The following PTPRN2 variants were observed in gnomAD, a reference collection of about 807,000 sequenced individuals.
The protein encoded by PTPRN2 is receptor-type tyrosine-protein phosphatase N2.
Under a neutral mutation model 118.8 loss-of-function variants are expected in PTPRN2, and 74 were observed. The ratio of observed to expected loss-of-function variants is 0.62; its 90% CI spans 0.52 to 0.76. PTPRN2 has a LOEUF of 0.76. Ranked by LOEUF, PTPRN2 falls within the 30% of genes least tolerant of loss-of-function variation. The pLI is 0.00. For missense variants in PTPRN2, 1,481 were observed against 1,394.4 expected (o/e 1.06, Z -0.99); for synonymous variants, 641 against 608.0 (o/e 1.05, Z -0.80).
At chr7:157,879,077 G>T (rs1483080913) in intron 12 of PTPRN2, among the ~76,000 whole-genome samples, 2 of 142,324 alleles carry the variant, frequency 1.4e-5, no homozygotes, top group African/African-American at 5.3e-5. Flanking sequence ...GATTCCATGG[G>T]GCTGGAAGGG....
chr7:157,774,775 T>C (rs1803092655), intron 12 of PTPRN2, among the ~76,000 whole-genome samples: 1 of 151,952 alleles, frequency 6.6e-6, no homozygotes, highest in Non-Finnish European at 1.5e-5. Flanking sequence ...GAAGTAGAAA[T>C]CTGCCCAAGA....
chr7:158,098,896 T>C lies in PTPRN2; in HGVS notation c.1643+11933A>G, dbSNP rs944846038. The stretch of plus-strand genomic sequence containing the variant: ...GATGGTAGAAGGTGACAGTGCGGGG[T>C]GCAGCGTTCCTGGGTCCTTGAGGGG... On this transcript the variant is annotated intron_variant, in intron 10 of 22. Transcript: ENST00000389418. Among the ~76,000 whole-genome samples the C allele has an allele frequency of 7.2e-5, 11 of 151,788 alleles. 1 individual carries two copies. The highest frequency in any genetic ancestry group is 2.7e-4 in the African/African-American group (11 of 41,330).
Position 157,566,587 on chromosome 7 carries a change from C to G in PTPRN2, c.2902+2315G>C, listed in dbSNP as rs998236893. Among the ~76,000 whole-genome samples the G allele has an allele frequency of 5.9e-5, 9 of 152,218 alleles. No individual in the cohort carries two copies. The South Asian group carries it at 1.9e-3, about 31-fold the overall frequency. On this transcript the variant is annotated intron_variant, in intron 21 of 22. Coordinates refer to ENST00000389418, the MANE Select transcript of PTPRN2 (RefSeq NM_002847.5). ...AGCAGGTCAAGAACAGGAGGAGGGT[C>G]ACCAATCTCAGAAAAGGCCCCAGGC... is the stretch of plus-strand genomic sequence containing the variant.
chr7:157,837,405 T>C (rs76532039), intron 12 of PTPRN2, among the ~76,000 whole-genome samples: 1,660 of 151,678 alleles, frequency 0.011, 23 homozygotes, highest in Middle Eastern at 0.058. Flanking sequence ...GCTAGGACAT[T>C]ATTAATGCCC....
chr7:157,823,355 C>T (rs1806970826), intron 12 of PTPRN2, among the ~76,000 whole-genome samples: 2 of 152,212 alleles, frequency 1.3e-5, no homozygotes, highest in South Asian at 2.1e-4. Flanking sequence ...CAAGACACTC[C>T]TAGCCTCAGG....
intron 1 of PTPRN2, among the ~76,000 whole-genome samples, chr7:158,532,156 G>A (rs949568145): frequency 3.9e-5 from 6 of 152,244 alleles, no homozygotes; most frequent in East Asian, 3.8e-4. Flanking sequence ...AGGGGGTGCC[G>A]GAGGGAGGTG....
intron 9 of PTPRN2, among the ~76,000 whole-genome samples, chr7:158,127,409 C>T (rs1817788087): frequency 6.6e-6 from 1 of 152,102 alleles, no homozygotes; most frequent in Non-Finnish European, 1.5e-5. Flanking sequence ...GAGCCACACA[C>T]TGCGGCTGCC....
At chr7:158,489,672 C>A (rs1563351505) in intron 2 of PTPRN2, 63 bp downstream of exon 2, 6 of 1,494,524 alleles carry the variant, frequency 4.0e-6, no homozygotes, top group African/African-American at 1.4e-5. Flanking sequence ...CCAGGCTGGG[C>A]GCTGCGCACG....
At chr7:157,976,884 T>C (rs1200041835) in intron 11 of PTPRN2, among the ~76,000 whole-genome samples, 2 of 152,000 alleles carry the variant, frequency 1.3e-5, no homozygotes, top group Middle Eastern at 3.4e-3. Context: ...TATAAACACT[T>C]CTGCTTAAGC....
At chr7:157,569,416 C>A (rs973890048) in intron 20 of PTPRN2, among the ~76,000 whole-genome samples, 1 of 152,230 alleles carries the variant, frequency 6.6e-6, no homozygotes, top group African/African-American at 2.4e-5. Flanking sequence ...GGCTCATGCA[C>A]GCAGGGACAC....
At chr7:158,069,670 T>C (rs1283085436) in intron 11 of PTPRN2, among the ~76,000 whole-genome samples, 1 of 152,240 alleles carries the variant, frequency 6.6e-6, no homozygotes, top group Non-Finnish European at 1.5e-5. Context: ...GACATCTTAC[T>C]GTCTGCTTGT....
At position 158,128,431 on chromosome 7, in the gene PTPRN2, C is replaced by T. The variant is rs2150413993; in HGVS notation, c.1556+5246G>A. ...ATGATGATTTTTTTTTTCTTTAACC[C>T]ACTGCTCATAGGAGGTAAATATTCC... On this transcript the variant is annotated intron_variant, in intron 9 of 22. Transcript: ENST00000389418. 3.3e-5 allele frequency among the ~76,000 whole-genome samples: 5 copies of T among 152,078 alleles called. 1 individual carries two copies. In the South Asian group the frequency reaches 1.0e-3, roughly 32 times the overall value.
At chr7:157,706,326 C>A (rs945805125) in intron 12 of PTPRN2, among the ~76,000 whole-genome samples, 4 of 151,432 alleles carry the variant, frequency 2.6e-5, no homozygotes, top group Non-Finnish European at 5.9e-5. Context: ...CTCCAGATGG[C>A]GGGAACTGAG....
At position 158,093,822 on chromosome 7, in the gene PTPRN2, AAGAG is replaced by A. The variant is rs1814410075; in HGVS notation, c.1644-12449_1644-12446del. 6.6e-6 allele frequency among the ~76,000 whole-genome samples: 1 copy of A among 152,250 alleles called. No individual in the cohort carries two copies. The highest frequency in any genetic ancestry group is 6.5e-5 in the Admixed American group (1 of 15,290). On this transcript the variant is annotated intron_variant, in intron 10 of 22. Coordinates refer to ENST00000389418, the MANE Select transcript of PTPRN2 (RefSeq NM_002847.5). This position sits in a 1 kb window ranked among gnomAD's most constrained non-coding sequence, Gnocchi z 4.4. Reference sequence around the variant, plus strand: ...GCCTAAGAGCTTACAAAGGAGGAAGAAGAGAGAACCAATTCTTATTTGAATGTAT... The same window carrying A: ...GCCTAAGAGCTTACAAAGGAGGAAGAAGAACCAATTCTTATTTGAATGTAT...
chr7:157,688,245 G>T (rs1797289544), intron 12 of PTPRN2, among the ~76,000 whole-genome samples: 1 of 152,192 alleles, frequency 6.6e-6, no homozygotes, highest in Non-Finnish European at 1.5e-5. Context: ...ATACAAGAAA[G>T]GCAATAAATT....
intron 3 of PTPRN2, among the ~76,000 whole-genome samples, chr7:158,235,737 G>T (rs971825091): frequency 3.3e-5 from 5 of 152,178 alleles, no homozygotes; most frequent in African/African-American, 4.8e-5. Context: ...AAAGAGAACA[G>T]CTTGACTGTT....
At chr7:158,256,159 G>A (rs1389023390) in intron 3 of PTPRN2, among the ~76,000 whole-genome samples, 1 of 152,180 alleles carries the variant, frequency 6.6e-6, no homozygotes, top group African/African-American at 2.4e-5. Context: ...AGGTGATGTG[G>A]GCAGGGAGTG....
In PTPRN2 at chr7:158,081,185, C is replaced by T. The variant is rs553738213; in HGVS notation, c.1723+113G>A. ...ACCGAGACCTTCCTCTGGGTTGCCC[C>T]ATGTGGGTAGTGTGAGTCTCTCTCT... On this transcript the variant is annotated intron_variant, in intron 11 of 22. Transcript: ENST00000389418. The T allele has an allele frequency of 3.6e-6, 4 of 1,096,834 alleles. No homozygotes were observed. In the Admixed American group the frequency reaches 7.3e-5, roughly 20 times the overall value. 67.9% of individuals were successfully genotyped at this position (1,096,834 alleles called of 1,614,324 possible).
chr7:158,380,594 G>A (rs1212454226), intron 2 of PTPRN2, among the ~76,000 whole-genome samples: 2 of 152,208 alleles, frequency 1.3e-5, no homozygotes, highest in Non-Finnish European at 2.9e-5. Context: ...GGCATTGAGT[G>A]TCTGAGACTT....
Sources: allele counts gnomAD v4.1 joint callset (sites outside exome capture counted in the v4.1 genomes callset), GRCh38; gene constraint gnomAD v4.1.1; non-coding constraint Gnocchi (gnomAD v3.1); transcripts MANE v1.5; gene names NCBI Gene and HGNC (gene_info 2026-07-23, HGNC 2026-07-21).